The following SLC9D1 variants were observed in gnomAD, a reference collection of about 807,000 sequenced individuals.
SLC9D1 encodes the protein putative LAG1-interacting protein.
At chr13:113,494,722 A>C in the SLC9D1 span, among the ~76,000 whole-genome samples, 2 of 152,148 alleles carry the variant, frequency 1.3e-5, no homozygotes, top group Admixed American at 1.3e-4. Context: ...GACTTTGGAA[A>C]TGTGGCAACA....
chr13:113,491,254 G>GC, the SLC9D1 span: 1 of 152,320 alleles, frequency 6.6e-6, no homozygotes, highest in African/African-American at 2.4e-5. Flanking sequence ...GGACGGGCGG[G>GC]CGCGGATCCC....
At chr13:113,495,869 T>C in the SLC9D1 span, 1 of 1,614,188 alleles carries the variant, frequency 6.2e-7, no homozygotes, top group African/African-American at 1.3e-5. Context: ...TGCACACGTT[T>C]GAAATTTTCC....
chr13:113,539,254 G>T, the SLC9D1 span: 1 of 1,121,702 alleles, frequency 8.9e-7, no homozygotes, highest in South Asian at 1.4e-5. The surrounding 1 kb of genome is among the most constrained non-coding windows in gnomAD (Gnocchi z 4.8). Context: ...CAGCTTCTGT[G>T]TTTTGTCGTG....
chr13:113,502,739 C>T, the SLC9D1 span, among the ~76,000 whole-genome samples: 9 of 152,174 alleles, frequency 5.9e-5, no homozygotes, highest in African/African-American at 1.2e-4. Context: ...TGGAGGGAGG[C>T]GTGCCAGGGG....
At chr13:113,501,212 T>G in the SLC9D1 span, among the ~76,000 whole-genome samples, 1 of 152,220 alleles carries the variant, frequency 6.6e-6, no homozygotes, top group Non-Finnish European at 1.5e-5. Context: ...ACAAAAACTT[T>G]GCTGTATAGT....
chr13:113,501,755 A>G, the SLC9D1 span: 1 of 1,608,468 alleles, frequency 6.2e-7, no homozygotes, highest in Non-Finnish European at 8.5e-7. Context: ...TCTTCAGGAC[A>G]TTGTTACCAT....
At chr13:113,548,723 A>C in the SLC9D1 span, among the ~76,000 whole-genome samples, 1 of 152,216 alleles carries the variant, frequency 6.6e-6, no homozygotes, top group African/African-American at 2.4e-5. Flanking sequence ...AAGAAAACTA[A>C]CTTTTTAAAG....
chr13:113,524,194 C>A, the SLC9D1 span: 1 of 455,572 alleles, frequency 2.2e-6, no homozygotes, highest in Admixed American at 2.4e-5. Flanking sequence ...GTATTGAAGT[C>A]CCCCGTTAGA....
At chr13:113,502,852 CGCAGGGCG>C in the SLC9D1 span, among the ~76,000 whole-genome samples, 1 of 152,140 alleles carries the variant, frequency 6.6e-6, no homozygotes, top group African/African-American at 2.4e-5. Flanking sequence ...TTCTCCAGAT[CGCAGGGCG>C]GCAGGAGGGG....
chr13:113,546,783 T>G, the SLC9D1 span, among the ~76,000 whole-genome samples: 1 of 150,006 alleles, frequency 6.7e-6, no homozygotes, highest in Non-Finnish European at 1.5e-5. The surrounding 1 kb of genome is among the most constrained non-coding windows in gnomAD (Gnocchi z 7.1). Flanking sequence ...ACAGCAGGAC[T>G]GAGCAGCCCA....
At chr13:113,496,593 C>A in the SLC9D1 span, among the ~76,000 whole-genome samples, 3 of 152,062 alleles carry the variant, frequency 2.0e-5, no homozygotes, top group African/African-American at 7.2e-5. Flanking sequence ...TTTTTAAAGC[C>A]ATCATTTCTT....
the SLC9D1 span, among the ~76,000 whole-genome samples, chr13:113,516,672 C>T: frequency 2.4e-3 from 373 of 152,272 alleles, no homozygotes; most frequent in African/African-American, 8.7e-3. Context: ...GCAGCGGCCT[C>T]AGTCACTCTT....
chr13:113,505,683 C>A, the SLC9D1 span: 1 of 152,152 alleles, frequency 6.6e-6, no homozygotes, highest in East Asian at 1.9e-4. Context: ...TCCATATTTT[C>A]CAAATTTTCT....
chr13:113,546,503 C>G, the SLC9D1 span, among the ~76,000 whole-genome samples: 8 of 152,010 alleles, frequency 5.3e-5, no homozygotes, highest in African/African-American at 1.9e-4. The surrounding 1 kb of genome is among the most constrained non-coding windows in gnomAD (Gnocchi z 7.1). Flanking sequence ...AACCCCGGGT[C>G]GTGGCAAGAG....
the SLC9D1 span, among the ~76,000 whole-genome samples, chr13:113,501,516 G>T: frequency 6.6e-6 from 1 of 152,172 alleles, no homozygotes; most frequent in African/African-American, 2.4e-5. Context: ...ATACCGAGGG[G>T]TGACTGTAAT....
At chr13:113,518,283 G>A in the SLC9D1 span, among the ~76,000 whole-genome samples, 1 of 152,148 alleles carries the variant, frequency 6.6e-6, no homozygotes, top group South Asian at 2.1e-4. Context: ...TCCCTCGTGA[G>A]CAGTGTTTCC....
chr13:113,510,665 T>G, the SLC9D1 span, among the ~76,000 whole-genome samples: 1 of 152,190 alleles, frequency 6.6e-6, no homozygotes, highest in Non-Finnish European at 1.5e-5. Context: ...GAGGATTGAT[T>G]GAGGGCCAGA....
the SLC9D1 span, chr13:113,534,229 T>C: frequency 6.2e-7 from 1 of 1,612,500 alleles, no homozygotes; most frequent in Non-Finnish European, 8.5e-7. Context: ...CTTTATCTTC[T>C]TAATGTTAAC....
the SLC9D1 span, chr13:113,499,904 A>T: frequency 8.5e-7 from 1 of 1,183,140 alleles, no homozygotes; most frequent in Non-Finnish European, 1.1e-6. Context: ...TTCATTCTCC[A>T]AAAATTGAAA....
Sources: allele counts gnomAD v4.1 joint callset (sites outside exome capture counted in the v4.1 genomes callset), GRCh38; gene constraint gnomAD v4.1.1; non-coding constraint Gnocchi (gnomAD v3.1); transcripts MANE v1.5; gene names NCBI Gene and HGNC (gene_info 2026-07-23, HGNC 2026-07-21).